ERICH1: variants seen among roughly 807,000 people sequenced by gnomAD.
ERICH1 encodes glutamate rich 1, also known as glutamate-rich protein 1.
Under a neutral mutation model 39.6 loss-of-function variants are expected in ERICH1, and 56 were observed. The observed-to-expected ratio is 1.41, with a 90% CI of 1.14 to 1.77. The LOEUF is 1.77. Among genes scored for constraint, ERICH1 ranks in the 40% most tolerant of loss-of-function variants. The probability of loss-of-function intolerance (pLI) is 0.00; values close to 1 mark genes in which losing one functional copy is unlikely to be tolerated. For missense variants in ERICH1, 826 were observed against 575.4 expected (o/e 1.44, Z -4.45); for synonymous variants, 313 against 223.6 (o/e 1.40, Z -3.57).
intron 3 of ERICH1, among the ~76,000 whole-genome samples, chr8:619,284 G>A (rs984639905): frequency 6.6e-6 from 1 of 152,130 alleles, no homozygotes; most frequent in Non-Finnish European, 1.5e-5. Flanking sequence ...GCCCCGGTGA[G>A]ACCCACCGCG....
intron 3 of ERICH1, among the ~76,000 whole-genome samples, chr8:653,421 C>G (rs1585054176): frequency 6.6e-6 from 1 of 152,224 alleles, no homozygotes; most frequent in Admixed American, 6.5e-5. Context: ...CATGCGTAGA[C>G]TGCCGAGTGT....
At chr8:731,101 T>A in intron 1 of ERICH1, 39 bp downstream of exon 1, 1 of 1,443,318 alleles carries the variant, frequency 6.9e-7, no homozygotes, top group Non-Finnish European at 9.1e-7. Flanking sequence ...GAGAGCCGGG[T>A]CTGGGGTCTG....
intron 4 of ERICH1, among the ~76,000 whole-genome samples, chr8:672,935 G>C (rs1803760178): frequency 6.6e-6 from 1 of 152,220 alleles, no homozygotes; most frequent in Admixed American, 6.5e-5. Flanking sequence ...CTCTTGTTTA[G>C]AAAAATAGCC....
chr8:686,923 G>C (rs747361781), intron 3 of ERICH1, among the ~76,000 whole-genome samples: 2 of 146,738 alleles, frequency 1.4e-5, no homozygotes, highest in Non-Finnish European at 3.0e-5. Context: ...CCTTGAGAGG[G>C]TGAGATGCGA....
chr8:618,039 G>C (rs1282317546), intron 3 of ERICH1, among the ~76,000 whole-genome samples: 1 of 149,204 alleles, frequency 6.7e-6, no homozygotes, highest in African/African-American at 2.5e-5. Flanking sequence ...ACTGCCATAT[G>C]AGTGCTCAAT....
chr8:720,874 G>C (rs1817163611), intron 1 of ERICH1, among the ~76,000 whole-genome samples: 2 of 152,168 alleles, frequency 1.3e-5, no homozygotes, highest in African/African-American at 4.8e-5. Flanking sequence ...GCTGGAATGA[G>C]CCTGAAGCCA....
chr8:633,283 G>C (rs1180192142), intron 3 of ERICH1, among the ~76,000 whole-genome samples: 3 of 152,258 alleles, frequency 2.0e-5, no homozygotes, highest in East Asian at 3.9e-4. Flanking sequence ...AGCTAAAAAC[G>C]TGTATTGCAG....
chr8:672,927 CTT>C (rs1390419857), intron 4 of ERICH1, among the ~76,000 whole-genome samples: 4 of 152,226 alleles, frequency 2.6e-5, no homozygotes, highest in Non-Finnish European at 4.4e-5. Context: ...GGATTTATCT[CTT>C]GTTTAGAAAA....
rs557436364 is a variant in ERICH1, at chr8:729,463, C to T, written c.22+1677G>A. Reference sequence around the variant, plus strand: ...AGGGAAATGCTCTGAAGAAGACACACACTCCAGTTTCCTGCTCCATCAGGT... The same window carrying T: ...AGGGAAATGCTCTGAAGAAGACACATACTCCAGTTTCCTGCTCCATCAGGT... On this transcript the variant is annotated intron_variant, in intron 1 of 5. Coordinates refer to ENST00000262109, the MANE Select transcript of ERICH1 (RefSeq NM_207332.3). 1.1e-4 allele frequency among the ~76,000 whole-genome samples: 16 copies of T among 152,366 alleles called. 1 individual carries two copies. In the South Asian group the frequency reaches 3.3e-3, roughly 32 times the overall value.
intron 3 of ERICH1, among the ~76,000 whole-genome samples, chr8:656,419 C>T (rs1351731506): frequency 2.6e-5 from 4 of 152,198 alleles, no homozygotes; most frequent in Non-Finnish European, 4.4e-5. Context: ...CCCTTGGGGA[C>T]GACAAAGCAC....
At chr8:712,555 G>A (rs1028427237) in intron 2 of ERICH1, among the ~76,000 whole-genome samples, 5 of 152,040 alleles carry the variant, frequency 3.3e-5, no homozygotes, top group Admixed American at 2.6e-4. Context: ...TCAGCCTCTC[G>A]AGTAGCTGGG....
In ERICH1 at chr8:708,681, G is replaced by GTTTTTTGTTTTTTTTTTTTTTTTTTTT; in HGVS notation, c.169+7179_169+7180insAAAAAAAAAAAAAAAAAAAACAAAAAA. 1.2e-3 allele frequency among the ~76,000 whole-genome samples: 77 copies of GTTTTTTGTTTTTTTTTTTTTTTTTTTT among 65,768 alleles called. 9 individuals carry two copies. The highest frequency in any genetic ancestry group is 3.7e-3 in the South Asian group (6 of 1,616). 43.1% of individuals were successfully genotyped at this position (65,768 alleles called of 152,430 possible). The stretch of plus-strand genomic sequence containing the variant: ...GGGCTGAGTGGTTACGGGATAATGA[G>GTTTTTTGTTTTTTTTTTTTTTTTTTTT]TTTTTTTTTTTTTTTTTTTTTTTTT... On this transcript the variant is annotated intron_variant, in intron 2 of 5. Coordinates refer to ENST00000262109, the MANE Select transcript of ERICH1 (RefSeq NM_207332.3).
At chr8:707,396 T>TG (rs1813556955) in intron 2 of ERICH1, among the ~76,000 whole-genome samples, 1 of 151,952 alleles carries the variant, frequency 6.6e-6, no homozygotes, top group Non-Finnish European at 1.5e-5. Flanking sequence ...TTAGTAGAGA[T>TG]GGGGTTTCAC....
At chr8:726,297 T>C (rs1329081020) in intron 1 of ERICH1, among the ~76,000 whole-genome samples, 3 of 151,960 alleles carry the variant, frequency 2.0e-5, no homozygotes, top group East Asian at 3.9e-4. Context: ...CAGACACGCA[T>C]GTACAAACAC....
intron 3 of ERICH1, among the ~76,000 whole-genome samples, chr8:653,465 G>C (rs1461667300): frequency 4.6e-5 from 7 of 152,172 alleles, no homozygotes; most frequent in Non-Finnish European, 1.0e-4. Flanking sequence ...TGCCAACCTG[G>C]AACCAATCCA....
At chr8:670,960 T>C (rs1272517459) in intron 4 of ERICH1, among the ~76,000 whole-genome samples, 1 of 146,186 alleles carries the variant, frequency 6.8e-6, no homozygotes, top group Non-Finnish European at 1.5e-5. Context: ...CCTCTGCACC[T>C]GCCAGCCCCA....
intron 3 of ERICH1, among the ~76,000 whole-genome samples, chr8:677,063 C>G (rs970014687): frequency 6.6e-6 from 1 of 152,224 alleles, no homozygotes; most frequent in Non-Finnish European, 1.5e-5. Context: ...TCAAGCACAC[C>G]GCCCTCAAAG....
chr8:626,715 T>C (rs568980340), intron 3 of ERICH1: 2 of 175,454 alleles, frequency 1.1e-5, no homozygotes, highest in African/African-American at 2.3e-5. Context: ...CTGGCGTCTG[T>C]CTCTCATCGC....
intron 1 of ERICH1, among the ~76,000 whole-genome samples, chr8:724,922 G>A (rs1176466438): frequency 6.6e-6 from 1 of 152,140 alleles, no homozygotes; most frequent in African/African-American, 2.4e-5. Flanking sequence ...AGCCACGGCT[G>A]CCCCATTGTG....
Sources: gnomAD v4.1 joint callset for allele counts (sites outside exome capture counted in the v4.1 genomes callset) on GRCh38, gnomAD v4.1.1 for gene constraint, MANE v1.5 for transcripts, NCBI Gene and HGNC (gene_info 2026-07-23, HGNC 2026-07-21) for gene names.